The following NAV2 variants were observed in gnomAD, a reference collection of about 807,000 sequenced individuals.
NAV2 encodes helicase, APC down-regulated 1.
A neutral mutation model predicts 223.2 loss-of-function variants in NAV2; 54 were observed. The ratio of observed to expected loss-of-function variants is 0.24; its 90% CI spans 0.19 to 0.30. NAV2 has a LOEUF of 0.30. Ranked by LOEUF, NAV2 falls within the 10% of genes least tolerant of loss-of-function variation. The pLI is 1.00. For synonymous variants in NAV2, 1,279 were observed against 1,239.3 expected, an observed-to-expected ratio of 1.03 and a Z score of -0.67; for missense variants, 2,806 against 3,147.5, an observed-to-expected ratio of 0.89 and a Z score of 2.60.
At chr11:19,569,204 T>G (rs2045356026) in intron 1 of NAV2, among the ~76,000 whole-genome samples, 1 of 152,246 alleles carries the variant, frequency 6.6e-6, no homozygotes, top group Non-Finnish European at 1.5e-5. Flanking sequence ...GTCAAGGAGC[T>G]GTATCCCTCC....
intron 4 of NAV2, among the ~76,000 whole-genome samples, chr11:19,874,894 C>T (rs757666460): frequency 5.9e-5 from 9 of 152,228 alleles, no homozygotes; most frequent in African/African-American, 9.6e-5. Flanking sequence ...CAATGGCTCA[C>T]GCCTTTAATC....
chr11:19,871,604 C>T (rs2062502767), intron 4 of NAV2, among the ~76,000 whole-genome samples: 1 of 152,160 alleles, frequency 6.6e-6, no homozygotes, highest in South Asian at 2.1e-4. Context: ...CCAGATCTTT[C>T]ACCTCAGTCT....
chr11:19,437,689 A>G (rs746308839), intron 1 of NAV2, among the ~76,000 whole-genome samples: 2 of 149,432 alleles, frequency 1.3e-5, no homozygotes, highest in South Asian at 2.2e-4. Context: ...AACATTCACT[A>G]TGATTTATGT....
At chr11:20,097,163 C>G (rs1008305828) in intron 30 of NAV2, among the ~76,000 whole-genome samples, 3 of 152,162 alleles carry the variant, frequency 2.0e-5, no homozygotes, top group Non-Finnish European at 4.4e-5. Flanking sequence ...TTTGTATGAT[C>G]TTTGAGCCAA....
chr11:19,544,090 GC>G (rs2044416487), intron 1 of NAV2, among the ~76,000 whole-genome samples: 1 of 152,168 alleles, frequency 6.6e-6, no homozygotes, highest in Non-Finnish European at 1.5e-5. Context: ...TCAATACTGT[GC>G]CTGGCACATA....
intron 6 of NAV2, among the ~76,000 whole-genome samples, chr11:19,911,641 C>T (rs2043324110): frequency 6.6e-6 from 1 of 152,112 alleles, no homozygotes; most frequent in African/African-American, 2.4e-5. Context: ...CCTGTCACCT[C>T]ACTCTAAGAA....
intron 6 of NAV2, among the ~76,000 whole-genome samples, chr11:19,908,501 C>T (rs564398728): frequency 2.6e-5 from 4 of 152,186 alleles, no homozygotes; most frequent in Non-Finnish European, 2.9e-5. Flanking sequence ...CACTGTCCAA[C>T]GGTACTTTCT....
At chr11:19,784,985 T>C (rs1451012371) in intron 1 of NAV2, among the ~76,000 whole-genome samples, 2 of 152,114 alleles carry the variant, frequency 1.3e-5, no homozygotes, top group African/African-American at 4.8e-5. Context: ...AATGTTAGGG[T>C]TGGAAATTTA....
chr11:19,562,349 G>A (rs2045129287), intron 1 of NAV2, among the ~76,000 whole-genome samples: 2 of 152,150 alleles, frequency 1.3e-5, no homozygotes, highest in African/African-American at 4.8e-5. Context: ...GGAAAGTCTT[G>A]TTGACAAGCA....
intron 27 of NAV2, among the ~76,000 whole-genome samples, chr11:20,091,949 C>T (rs962463893): frequency 6.6e-6 from 1 of 152,074 alleles, no homozygotes; most frequent in African/African-American, 2.4e-5. Context: ...TCACTTAACC[C>T]TCAAGCAGCA....
At chr11:19,539,486 C>T (rs577016932) in intron 1 of NAV2, among the ~76,000 whole-genome samples, 1 of 152,198 alleles carries the variant, frequency 6.6e-6, no homozygotes, top group South Asian at 2.1e-4. Flanking sequence ...TAATATTAAT[C>T]TTATTTCATT....
intron 1 of NAV2, among the ~76,000 whole-genome samples, chr11:19,705,768 T>C (rs2049644583): frequency 6.6e-6 from 1 of 152,218 alleles, no homozygotes; most frequent in Non-Finnish European, 1.5e-5. Flanking sequence ...GTTGCTATTT[T>C]GGGAAAATAA....
chr11:19,708,471 T>C (rs2049743070), upstream of NAV2, among the ~76,000 whole-genome samples: 1 of 152,202 alleles, frequency 6.6e-6, no homozygotes, highest in African/African-American at 2.4e-5. Context: ...ATCCCTGCAT[T>C]TTTTTGTGAC....
chr11:19,646,918 T>G, intron 1 of NAV2, among the ~76,000 whole-genome samples: 1 of 152,180 alleles, frequency 6.6e-6, no homozygotes, highest in Non-Finnish European at 1.5e-5. Context: ...CTTCAGGCAC[T>G]ACAGGAGGAC....
chr11:20,121,363 T>A lies in NAV2; in HGVS notation c.*3105T>A, dbSNP rs766113647. 3.3e-5 allele frequency: 5 copies of A among 152,658 alleles called. No individual in the cohort carries two copies. The highest frequency in any genetic ancestry group is 7.3e-5 in the Non-Finnish European group (5 of 68,040). 9.5% of individuals were successfully genotyped at this position (152,658 alleles called of 1,614,324 possible). ...TTTTGATGAATTTTTTCTAGCCATT[T>A]TTAAAGAGAAAACTAGGAATTGAGT... On this transcript the variant is annotated 3_prime_UTR_variant, in exon 38 of 38. Coordinates refer to ENST00000349880, the MANE Select transcript of NAV2 (RefSeq NM_145117.5).
chr11:19,907,553 A>G (rs944725226), intron 6 of NAV2, among the ~76,000 whole-genome samples: 2 of 151,990 alleles, frequency 1.3e-5, no homozygotes, highest in African/African-American at 4.8e-5. Context: ...AGACAGAAGT[A>G]TTGATTGAAA....
At chr11:19,935,813 C>T (rs1046596986) in intron 7 of NAV2, among the ~76,000 whole-genome samples, 3 of 148,164 alleles carry the variant, frequency 2.0e-5, no homozygotes, top group African/African-American at 7.4e-5. Context: ...AATGACTCAG[C>T]TGGTCTACAT....
intron 1 of NAV2, among the ~76,000 whole-genome samples, chr11:19,612,834 C>A (rs545035483): frequency 2.0e-5 from 3 of 152,318 alleles, no homozygotes; most frequent in East Asian, 1.9e-4. Context: ...TCGCTTCCAC[C>A]TTATCAGGTG....
intron 9 of NAV2, 65 bp from the exon 10 acceptor site, chr11:19,948,626 A>G (rs1047021474): frequency 3.4e-6 from 5 of 1,451,110 alleles, no homozygotes; most frequent in Non-Finnish European, 4.6e-6. Context: ...AAATAATTAA[A>G]GAACATATAA....
Sources: allele counts gnomAD v4.1 joint callset (sites outside exome capture counted in the v4.1 genomes callset), GRCh38; gene constraint gnomAD v4.1.1; transcripts MANE v1.5; gene names NCBI Gene and HGNC (gene_info 2026-07-23, HGNC 2026-07-21).